AK6: variants seen among roughly 807,000 people sequenced by gnomAD.
AK6 encodes the protein adenylate kinase 6.
Under a neutral mutation model 23.7 loss-of-function variants are expected in AK6, and 24 were observed. The observed-to-expected ratio is 1.01, with a 90% CI of 0.73 to 1.43. The LOEUF (loss-of-function observed/expected upper bound fraction) is 1.43, where lower values mean the gene tolerates loss of function less well. AK6 is among the 40% of genes most tolerant of loss of function. The probability of loss-of-function intolerance (pLI) is 0.00; values close to 1 mark genes in which losing one functional copy is unlikely to be tolerated. For missense variants in AK6, 191 were observed against 199.1 expected (o/e 0.96, Z 0.24); for synonymous variants, 73 against 69.8 (o/e 1.05, Z -0.23).
intron 2 of AK6, chr5:69,365,826 A>T: frequency 8.7e-7 from 1 of 1,144,328 alleles, no homozygotes. Flanking sequence ...AACTGTCAGG[A>T]ACTTAAAAAA....
chr5:69,356,596 A>AG (rs1203616444), intron 2 of AK6, among the ~76,000 whole-genome samples: 2 of 152,138 alleles, frequency 1.3e-5, no homozygotes, highest in African/African-American at 4.8e-5. Flanking sequence ...GGTTACAATA[A>AG]GGTGAGATCA....
chr5:69,358,748 T>G (rs979051141), intron 2 of AK6, among the ~76,000 whole-genome samples: 1 of 152,090 alleles, frequency 6.6e-6, no homozygotes, highest in Non-Finnish European at 1.5e-5. Context: ...AATTTTATGC[T>G]ACTTTAGAAA....
chr5:69,365,809 T>C (rs1762396501), intron 2 of AK6: 1 of 1,280,502 alleles, frequency 7.8e-7, no homozygotes, highest in Non-Finnish European at 1.0e-6. Flanking sequence ...ATAGTTACTT[T>C]AGTAGCAACT....
At chr5:69,364,966 C>T in intron 2 of AK6, 1 of 1,612,290 alleles carries the variant, frequency 6.2e-7, no homozygotes, top group Non-Finnish European at 8.5e-7. Flanking sequence ...TAGTCATCAT[C>T]ATCATCATCG....
chr5:69,360,051 G>A (rs1297401312), intron 2 of AK6, among the ~76,000 whole-genome samples: 2 of 152,236 alleles, frequency 1.3e-5, no homozygotes, highest in African/African-American at 4.8e-5. Context: ...TGGCTGCACT[G>A]AAGGGGACAT....
chr5:69,361,162 C>CT lies in AK6; in HGVS notation c.122-5210dup, dbSNP rs900687180. Among the ~76,000 whole-genome samples, 474 of 151,480 alleles carry CT rather than the reference C, an allele frequency of 3.1e-3. 1 individual carries two copies. The highest frequency in any genetic ancestry group is 0.011 in the African/African-American group (441 of 41,324). On this transcript the variant is annotated intron_variant, in intron 2 of 4. Transcript: ENST00000380822. ...CTTACAGTCATACCACAGTAAGACT[C>CT]TTTTTTTTTGAGATGGAGTCTCACT...
At chr5:69,356,978 C>G (rs138849761) in intron 2 of AK6, among the ~76,000 whole-genome samples, 1 of 152,242 alleles carries the variant, frequency 6.6e-6, no homozygotes, top group East Asian at 1.9e-4. Context: ...TACCCTTAGC[C>G]CCAGCCCTTA....
intron 2 of AK6, among the ~76,000 whole-genome samples, 192 bp from the exon 3 acceptor site, chr5:69,356,145 T>G (rs1388346056): frequency 6.6e-6 from 1 of 152,242 alleles, no homozygotes; most frequent in Non-Finnish European, 1.5e-5. Flanking sequence ...AATTGGAATT[T>G]TGTTTAGAGG....
intron 2 of AK6, among the ~76,000 whole-genome samples, chr5:69,360,387 A>C (rs1479060015): frequency 6.6e-6 from 1 of 152,206 alleles, no homozygotes; most frequent in African/African-American, 2.4e-5. Context: ...TGGGAGGTAG[A>C]AATCAGAGGA....
chr5:69,352,309 G>T, intron 4 of AK6, 56 bp from the exon 5 acceptor site: 1 of 1,405,916 alleles, frequency 7.1e-7, no homozygotes, highest in South Asian at 1.3e-5. Context: ...ATTAACTGGA[G>T]TTTCAGAAAC....
intron 2 of AK6, chr5:69,364,966 C>A (rs1762353101): frequency 6.2e-7 from 1 of 1,612,290 alleles, no homozygotes. Context: ...TAGTCATCAT[C>A]ATCATCATCG....
At chr5:69,358,403 C>T (rs1308678200) in intron 2 of AK6, among the ~76,000 whole-genome samples, 1 of 151,516 alleles carries the variant, frequency 6.6e-6, no homozygotes, top group Non-Finnish European at 1.5e-5. Flanking sequence ...TGCCTGTAAT[C>T]CCAGCTGCTT....
chr5:69,360,695 G>C (rs1762208832), intron 2 of AK6, among the ~76,000 whole-genome samples: 1 of 152,162 alleles, frequency 6.6e-6, no homozygotes, highest in Non-Finnish European at 1.5e-5. Flanking sequence ...GGTCAATAGA[G>C]GAGTTAGTTT....
chr5:69,365,353 G>A (rs781238602), intron 2 of AK6: 47 of 1,614,080 alleles, frequency 2.9e-5, no homozygotes, highest in Non-Finnish European at 3.4e-5. Context: ...AAAGATTTCA[G>A]CCTATAGTTT....
rs565395344 is a variant in AK6 at position 69,368,509 on chromosome 5, T to C, written c.28+954A>G. Among the ~76,000 whole-genome samples, 22 of 152,268 alleles carry C rather than the reference T, an allele frequency of 1.4e-4. 1 individual carries two copies. In the South Asian group the frequency reaches 4.1e-3, roughly 29 times the overall value. On this transcript the variant is annotated intron_variant, in intron 1 of 4. Coordinates refer to ENST00000380822, the MANE Select transcript of AK6 (RefSeq NM_016283.5). ...TAACCAGGGCACTATGTTTGATCCA[T>C]GCAAAAAGATGTAAAATCTTCCGCT...
chr5:69,361,288 A>G (rs1762227672), intron 2 of AK6, among the ~76,000 whole-genome samples: 1 of 151,626 alleles, frequency 6.6e-6, no homozygotes, highest in Non-Finnish European at 1.5e-5. Flanking sequence ...CGCCCGGCTA[A>G]TTTTTTGTAT....
chr5:69,369,417 C>A (rs959953829), intron 1 of AK6, 46 bp downstream of exon 1: 3 of 1,601,414 alleles, frequency 1.9e-6, no homozygotes, highest in Non-Finnish European at 2.6e-6. Flanking sequence ...GCACTCTGCG[C>A]CCCCAGCCTG....
chr5:69,366,494 G>T lies in AK6; in HGVS notation c.121+9C>A. On this transcript the variant is annotated intron_variant, in intron 2 of 4. Transcript: ENST00000380822. ...AACAAAACAAATCTAACACCAAAGTGTCCCTTACCTTCTCGAGCTAAATCA... is the reference window on the plus strand; with the variant it reads ...AACAAAACAAATCTAACACCAAAGTTTCCCTTACCTTCTCGAGCTAAATCA... 2 of 1,605,134 alleles carry T rather than the reference G, an allele frequency of 1.2e-6. No homozygotes were observed. The highest frequency in any genetic ancestry group is 1.7e-6 in the Non-Finnish European group (2 of 1,173,328).
intron 2 of AK6, chr5:69,364,881 T>C (rs1337275918): frequency 2.8e-6 from 4 of 1,419,738 alleles, no homozygotes; most frequent in South Asian, 2.6e-5. Flanking sequence ...CCAGCATGCA[T>C]GTTTAATATC....
Sources: gnomAD v4.1 joint callset for allele counts (sites outside exome capture counted in the v4.1 genomes callset) on GRCh38, gnomAD v4.1.1 for gene constraint, MANE v1.5 for transcripts, NCBI Gene and HGNC (gene_info 2026-07-23, HGNC 2026-07-21) for gene names.